The following ITGA10 variants were observed in gnomAD, a reference collection of about 807,000 sequenced individuals.
The protein encoded by ITGA10 is integrin alpha-10.
In ITGA10, 105 loss-of-function variants were observed where a neutral mutation model predicts 145.2. The ratio of observed to expected loss-of-function variants is 0.72; its 90% CI spans 0.62 to 0.85. The LOEUF is 0.85. Ranked by LOEUF, ITGA10 falls within the 40% of genes least tolerant of loss-of-function variation. ITGA10 has a pLI of 0.00. For synonymous variants in ITGA10, 506 were observed against 557.8 expected (o/e 0.91, Z 1.31); for missense variants, 1,317 against 1,444.5 (o/e 0.91, Z 1.43).
rs782123243 is a variant in ITGA10 at position 145,904,038 on chromosome 1, TC to T, written c.758+13del. The T allele has an allele frequency of 1.9e-6, 3 of 1,613,516 alleles. No homozygotes were observed. The highest frequency in any genetic ancestry group is 2.5e-6 in the Non-Finnish European group (3 of 1,179,858). ...TTGCTCTAGCCTCCCACACCTGTCT[TC>T]CCAATGCCTCACCAGGCCACCATTA... On this transcript the variant is annotated intron_variant, in intron 7 of 29. Transcript: ENST00000369304.
intron 28 of ITGA10, 74 bp downstream of exon 28, chr1:145,893,466 A>G: frequency 8.1e-7 from 1 of 1,234,376 alleles, no homozygotes; most frequent in Non-Finnish European, 1.2e-6. Flanking sequence ...CGTTCTGAAA[A>G]AGCCCACGGG....
In ITGA10 at chr1:145,901,346, G is replaced by A; in HGVS notation, c.1444-68C>T. Reference sequence around the variant, plus strand: ...GTAACTGTAGACAAGTGGACTCAGTGGGAAGCACTCACCAGCCTGCTAGTC... The same window carrying A: ...GTAACTGTAGACAAGTGGACTCAGTAGGAAGCACTCACCAGCCTGCTAGTC... On this transcript the variant is annotated intron_variant, in intron 12 of 29. Coordinates refer to ENST00000369304, the MANE Select transcript of ITGA10 (RefSeq NM_003637.5). The surrounding 1 kb of genome is among the most constrained non-coding windows in gnomAD (Gnocchi z 4.3). The A allele has an allele frequency of 6.3e-7, 1 of 1,576,246 alleles. No homozygotes were observed. The highest frequency in any genetic ancestry group is 8.7e-7 in the Non-Finnish European group (1 of 1,154,266).
At chr1:145,896,209 C>T (rs1655373141) in intron 24 of ITGA10, 59 bp downstream of exon 24, 2 of 1,503,236 alleles carry the variant, frequency 1.3e-6, no homozygotes, top group Non-Finnish European at 9.3e-7. Context: ...CCATCCTTTT[C>T]CCACAAAGCT....
intron 23 of ITGA10, 43 bp downstream of exon 23, chr1:145,896,726 G>A (rs1553745215): frequency 6.8e-7 from 1 of 1,476,100 alleles, no homozygotes; most frequent in Non-Finnish European, 9.5e-7. Context: ...AAGGGTATGA[G>A]TCTGAGGTCA....
Position 145,902,579 on chromosome 1 carries a change from G to A in ITGA10, c.950C>T (p.Ser317Phe), listed in dbSNP as rs1553749323. ...AATAGTTCTAATTTCTCTCAGGAAA[G>A]AGCTGGGATCTCGCTGCCGCCGGAG... The part of the protein sequence containing the change: ...HYLRRQRDPS[S>F]FLREIRTIAS... Residue 317 changes from serine (S) to phenylalanine (F), a missense_variant, in exon 9 of 30, where the codon TCT becomes TTT. Coordinates refer to ENST00000369304, the MANE Select transcript of ITGA10 (RefSeq NM_003637.5). The A allele has an allele frequency of 1.9e-6, 3 of 1,612,674 alleles. No homozygotes were observed. The highest frequency in any genetic ancestry group is 2.5e-6 in the Non-Finnish European group (3 of 1,179,474).
chr1:145,903,571 T>G (rs1553749991), intron 7 of ITGA10, among the ~76,000 whole-genome samples: 3 of 151,812 alleles, frequency 2.0e-5, no homozygotes, highest in Non-Finnish European at 4.4e-5. Context: ...GTACCATTAG[T>G]GTACATACAA....
chr1:145,901,494 C>A lies in ITGA10; in HGVS notation c.1443+22G>T. ...GAGGTCCCTGGGAATCCAAAGGTCC[C>A]ACCCTTCCTTGGATGCCCTACCTGC... On this transcript the variant is annotated intron_variant, in intron 12 of 29. Transcript: ENST00000369304. The surrounding 1 kb of genome is among the most constrained non-coding windows in gnomAD (Gnocchi z 4.3). 1 of 1,547,800 alleles carries A rather than the reference C, an allele frequency of 6.5e-7. No individual in the cohort carries two copies.
At position 145,898,235 on chromosome 1, in the gene ITGA10, CAG is replaced by C. The variant is rs1655721384; in HGVS notation, c.2233-14_2233-13del. On this transcript the variant is annotated splice_polypyrimidine_tract_variant and intron_variant, in intron 17 of 29. Coordinates refer to ENST00000369304, the MANE Select transcript of ITGA10 (RefSeq NM_003637.5). Reference sequence around the variant, plus strand: ...TAATCTGATGTATCCTGAAGGAAAACAGAGTCACAGAGTCACAGAGTCAAGGA... The same window carrying C: ...TAATCTGATGTATCCTGAAGGAAAACAGTCACAGAGTCACAGAGTCAAGGA... 7.2e-7 allele frequency: 1 copy of C among 1,398,058 alleles called. No individual in the cohort carries two copies. Among genetic ancestry groups the C allele is most frequent in the African/African-American group, 1.4e-5 (1 of 70,420 alleles). The allele number at this position is 1,398,058 out of a possible 1,614,324, so 86.6% of individuals were successfully genotyped here. A position where few individuals can be genotyped will look rare whatever the true frequency, so the allele number is the denominator to read the frequency against.
chr1:145,895,272 AG>A lies in ITGA10; in HGVS notation c.3228+7del. 1 of 1,596,438 alleles carries A rather than the reference AG, an allele frequency of 6.3e-7. No individual in the cohort carries two copies. Among genetic ancestry groups the A allele is most frequent in the Non-Finnish European group, 8.6e-7 (1 of 1,164,410 alleles). Reference sequence around the variant, plus strand: ...GAAGTGGGGAGTACTAGAAAAGGAAAGGCTTACTCTTCGGAAAAATTCATTG... The same window carrying A: ...GAAGTGGGGAGTACTAGAAAAGGAAAGCTTACTCTTCGGAAAAATTCATTG... On this transcript the variant is annotated splice_region_variant and intron_variant, in intron 27 of 29. Coordinates refer to ENST00000369304, the MANE Select transcript of ITGA10 (RefSeq NM_003637.5).
At chr1:145,907,758 A>ATT (rs1657357284) in intron 1 of ITGA10, 2 of 93,472 alleles carry the variant, frequency 2.1e-5, no homozygotes, top group African/African-American at 4.7e-5. Context: ...AGGTCAAGTT[A>ATT]CTTTTTTTTT....
intron 23 of ITGA10, among the ~76,000 whole-genome samples, 188 bp from the exon 24 acceptor site, chr1:145,896,540 A>G (rs1415415002): frequency 1.3e-5 from 2 of 152,216 alleles, no homozygotes; most frequent in Non-Finnish European, 2.9e-5. Context: ...TACATCCCAT[A>G]TCCCCTCATC....
intron 22 of ITGA10, 28 bp from the exon 23 acceptor site, chr1:145,896,886 A>G (rs961732403): frequency 1.3e-6 from 2 of 1,580,440 alleles, no homozygotes; most frequent in Admixed American, 3.3e-5. Context: ...AGAGGCTCAC[A>G]TCTCAACCCC....
intron 23 of ITGA10, 118 bp downstream of exon 23, chr1:145,896,651 G>T: frequency 1.2e-6 from 1 of 825,704 alleles, no homozygotes; most frequent in South Asian, 1.4e-5. Flanking sequence ...CAAAAAGACT[G>T]AGCAGCCGCA....
chr1:145,897,828 T>C lies in ITGA10; in HGVS notation c.2419A>G (p.Ile807Val). Residue 807 changes from isoleucine to valine, a missense_variant, in exon 19 of 30, where the codon ATC becomes GTC. By Grantham distance (29) the Ile-to-Val change is conservative (BLOSUM62 3). Coordinates refer to ENST00000369304, the MANE Select transcript of ITGA10 (RefSeq NM_003637.5). ...TDLVLQVNMD[I>V]RGSRKAPFVV... ...TGTCCATCCAACCTGGAGCCTCTGATGTCCATATTCACTTGAAGCACCAGG... is the reference window on the plus strand; with the variant it reads ...TGTCCATCCAACCTGGAGCCTCTGACGTCCATATTCACTTGAAGCACCAGG... 6.2e-7 allele frequency: 1 copy of C among 1,614,090 alleles called. No homozygotes were observed. Among genetic ancestry groups the C allele is most frequent in the South Asian group, 1.1e-5 (1 of 91,080 alleles).
At chr1:145,893,417 G>GTGCT in intron 28 of ITGA10, 123 bp downstream of exon 28, 1 of 947,302 alleles carries the variant, frequency 1.1e-6, no homozygotes, top group East Asian at 2.6e-5. Flanking sequence ...AATGGCGGCA[G>GTGCT]TGGAACACTA....
Position 145,895,635 on chromosome 1 carries a change from CTGTT to C in ITGA10, c.3106_3109del (p.Asn1036AspfsTer2). The C allele has an allele frequency of 6.2e-7, 1 of 1,614,126 alleles. No homozygotes were observed. The highest frequency in any genetic ancestry group is 8.5e-7 in the Non-Finnish European group (1 of 1,179,992). ...ACACCCCTTTGTGACTCATACCAGT[CTGTT>C]TGTGTGTTGAAGCTCCTCTGGATGC... is the stretch of plus-strand genomic sequence containing the variant. On this transcript the variant is annotated frameshift_variant, in exon 26 of 30. Coordinates refer to ENST00000369304, the MANE Select transcript of ITGA10 (RefSeq NM_003637.5). LOFTEE classifies it high-confidence loss of function.
At chr1:145,899,553 C>T (rs1425828469) in intron 15 of ITGA10, among the ~76,000 whole-genome samples, 6 of 151,438 alleles carry the variant, frequency 4.0e-5, no homozygotes, top group African/African-American at 7.3e-5. Flanking sequence ...CTGTGGCCCA[C>T]GCTGGAGTGC....
At chr1:145,903,651 CTT>C (rs782238620) in intron 7 of ITGA10, among the ~76,000 whole-genome samples, 4 of 141,402 alleles carry the variant, frequency 2.8e-5, no homozygotes, top group South Asian at 2.3e-4. Flanking sequence ...TCTTCTTCTT[CTT>C]TTTTTTTTTT....
chr1:145,897,941 A>G (rs932700055), intron 18 of ITGA10, 41 bp from the exon 19 acceptor site: 4 of 1,530,910 alleles, frequency 2.6e-6, no homozygotes, highest in African/African-American at 1.4e-5. Context: ...GAGGAAAGCA[A>G]GGAGGAAAGG....
Sources: allele counts gnomAD v4.1 joint callset (sites outside exome capture counted in the v4.1 genomes callset), GRCh38; gene constraint gnomAD v4.1.1; non-coding constraint Gnocchi (gnomAD v3.1); transcripts MANE v1.5; gene names NCBI Gene and HGNC (gene_info 2026-07-23, HGNC 2026-07-21).